ZMAT4: variants seen among roughly 807,000 people sequenced by gnomAD.
ZMAT4 encodes zinc finger matrin-type 4.
In ZMAT4, 17 loss-of-function variants were observed where a neutral mutation model predicts 28.7. The ratio of observed to expected loss-of-function variants is 0.59; its 90% CI spans 0.41 to 0.89. The LOEUF (loss-of-function observed/expected upper bound fraction) is 0.89. Ranked by LOEUF, ZMAT4 falls within the 40% of genes least tolerant of loss-of-function variation. ZMAT4 has a pLI of 0.00. For missense variants in ZMAT4, 240 were observed against 283.8 expected (o/e 0.85, Z 1.11); for synonymous variants, 117 against 109.2 (o/e 1.07, Z -0.44).
chr8:40,665,468 C>G (rs994920091), intron 5 of ZMAT4, among the ~76,000 whole-genome samples: 1 of 152,170 alleles, frequency 6.6e-6, no homozygotes, highest in Admixed American at 6.5e-5. Context: ...CTTTCTAGAA[C>G]TTTGCCTCTC....
Position 40,641,704 on chromosome 8 carries a change from AG to A in ZMAT4, c.577+32999del, listed in dbSNP as rs1807034362. On this transcript the variant is annotated intron_variant, in intron 5 of 6. Transcript: ENST00000297737. Reference sequence around the variant, plus strand: ...TTCTTATTATTTTAATTGTGATAAAAGCACTTAACATAAGATCTGCCTTCTT... The same window carrying A: ...TTCTTATTATTTTAATTGTGATAAAACACTTAACATAAGATCTGCCTTCTT... 2.6e-5 allele frequency among the ~76,000 whole-genome samples: 4 copies of A among 152,310 alleles called. No individual in the cohort carries two copies. In the South Asian group the frequency reaches 8.3e-4, roughly 32 times the overall value.
chr8:40,609,754 G>C (rs938286792), intron 5 of ZMAT4, among the ~76,000 whole-genome samples: 1 of 151,934 alleles, frequency 6.6e-6, no homozygotes, highest in Non-Finnish European at 1.5e-5. Flanking sequence ...GCTCTTTGCT[G>C]TATCACTGCT....
intron 6 of ZMAT4, among the ~76,000 whole-genome samples, chr8:40,535,868 A>G (rs1421332374): frequency 2.0e-5 from 3 of 152,194 alleles, no homozygotes. Flanking sequence ...CTTAGCCATG[A>G]TGAAGCCTAA....
intron 5 of ZMAT4, among the ~76,000 whole-genome samples, chr8:40,594,011 G>A (rs1563356031): frequency 6.6e-6 from 1 of 152,196 alleles, no homozygotes; most frequent in Non-Finnish European, 1.5e-5. Context: ...AACACCAGAA[G>A]AAAACACCTT....
chr8:40,872,515 G>A (rs972061472), intron 1 of ZMAT4, among the ~76,000 whole-genome samples: 1 of 152,204 alleles, frequency 6.6e-6, no homozygotes, highest in Admixed American at 6.5e-5. Flanking sequence ...GTCCTGGGCA[G>A]GCAGGCACCT....
At chr8:40,813,931 T>C (rs1031379482) in intron 2 of ZMAT4, among the ~76,000 whole-genome samples, 11 of 152,266 alleles carry the variant, frequency 7.2e-5, no homozygotes, top group African/African-American at 2.6e-4. Context: ...TTAAAAACTT[T>C]AAAAGGACTC....
At chr8:40,866,828 C>A (rs527943267) in intron 1 of ZMAT4, among the ~76,000 whole-genome samples, 1 of 152,256 alleles carries the variant, frequency 6.6e-6, no homozygotes, top group South Asian at 2.1e-4. Flanking sequence ...CATGCATATG[C>A]ATGCATGCAT....
At chr8:40,637,809 G>A (rs1039558858) in intron 5 of ZMAT4, among the ~76,000 whole-genome samples, 3 of 152,158 alleles carry the variant, frequency 2.0e-5, no homozygotes, top group African/African-American at 7.2e-5. Context: ...TATATAGCAC[G>A]TGCTATATTT....
intron 5 of ZMAT4, among the ~76,000 whole-genome samples, chr8:40,591,248 C>A (rs928465954): frequency 1.1e-4 from 16 of 152,128 alleles, no homozygotes; most frequent in African/African-American, 3.9e-4. Flanking sequence ...GAAGGAAGTT[C>A]CAGAGTGTGA....
chr8:40,700,866 G>A (rs1318102833), intron 3 of ZMAT4, among the ~76,000 whole-genome samples: 1 of 152,138 alleles, frequency 6.6e-6, no homozygotes, highest in African/African-American at 2.4e-5. Context: ...TCATGAGATG[G>A]CAAAACTTCT....
chr8:40,576,846 G>A (rs1041909741), intron 6 of ZMAT4, among the ~76,000 whole-genome samples: 1 of 152,138 alleles, frequency 6.6e-6, no homozygotes, highest in Non-Finnish European at 1.5e-5. Context: ...ACTACCATAT[G>A]TTCCAGTAAT....
At chr8:40,534,615 A>G (rs993143755) in intron 6 of ZMAT4, among the ~76,000 whole-genome samples, 1 of 151,972 alleles carries the variant, frequency 6.6e-6, no homozygotes, top group Non-Finnish European at 1.5e-5. Context: ...TCTTTTTGAC[A>G]TATATGAAAC....
intron 2 of ZMAT4, among the ~76,000 whole-genome samples, chr8:40,786,440 G>A (rs1291032086): frequency 1.0e-4 from 11 of 105,736 alleles, no homozygotes; most frequent in Admixed American, 1.0e-3. Flanking sequence ...GTACACAGAA[G>A]TACATGACAT....
intron 3 of ZMAT4, among the ~76,000 whole-genome samples, chr8:40,717,130 C>T (rs1810891606): frequency 6.6e-6 from 1 of 152,162 alleles, no homozygotes; most frequent in African/African-American, 2.4e-5. Flanking sequence ...ACCATCTTTT[C>T]CCAGTAGGGT....
intron 1 of ZMAT4, among the ~76,000 whole-genome samples, chr8:40,838,529 T>TG (rs1283319276): frequency 6.6e-6 from 1 of 152,090 alleles, no homozygotes; most frequent in East Asian, 1.9e-4. Context: ...TTTTTTAAGA[T>TG]GGGGTCTCAC....
At chr8:40,763,088 C>T (rs1224708900) in intron 3 of ZMAT4, among the ~76,000 whole-genome samples, 1 of 152,172 alleles carries the variant, frequency 6.6e-6, no homozygotes, top group Non-Finnish European at 1.5e-5. Flanking sequence ...CCCATCGTAT[C>T]AGGAGAGGCC....
At chr8:40,641,439 T>G (rs1807022204) in intron 5 of ZMAT4, among the ~76,000 whole-genome samples, 1 of 152,248 alleles carries the variant, frequency 6.6e-6, no homozygotes, top group Non-Finnish European at 1.5e-5. Context: ...TTTTGCACAC[T>G]TTAAACATCT....
intron 1 of ZMAT4, among the ~76,000 whole-genome samples, chr8:40,836,729 G>A (rs1816504004): frequency 6.6e-6 from 1 of 152,220 alleles, no homozygotes; most frequent in Non-Finnish European, 1.5e-5. Flanking sequence ...GCAGAGAAAT[G>A]AGGACAAGAT....
intron 1 of ZMAT4, among the ~76,000 whole-genome samples, chr8:40,847,035 C>T (rs972558034): frequency 2.6e-5 from 4 of 151,926 alleles, no homozygotes; most frequent in African/African-American, 4.8e-5. Context: ...GGTGAAATCC[C>T]ATCTCTACTA....
Sources: allele counts gnomAD v4.1 joint callset (sites outside exome capture counted in the v4.1 genomes callset), GRCh38; gene constraint gnomAD v4.1.1; transcripts MANE v1.5; gene names NCBI Gene and HGNC (gene_info 2026-07-23, HGNC 2026-07-21).